The following TTLL2 variants were observed in gnomAD, a reference collection of about 807,000 sequenced individuals.
TTLL2 encodes the protein tubulin tyrosine ligase like 2.
A neutral mutation model predicts 7.5 loss-of-function variants in TTLL2; 10 were observed. That is an observed-to-expected ratio of 1.33 (90% CI 0.82 to 2.25). The LOEUF (loss-of-function observed/expected upper bound fraction) is 2.25, where lower values mean the gene tolerates loss of function less well. Ranked by LOEUF, TTLL2 falls within the 30% of genes most tolerant of loss-of-function variation. The pLI, the probability that TTLL2 is intolerant of heterozygous loss-of-function variation, is 0.00. For missense variants in TTLL2, 733 were observed against 735.7 expected, an observed-to-expected ratio of 1.00 and a Z score of 0.04; for synonymous variants, 284 against 280.3, an observed-to-expected ratio of 1.01 and a Z score of -0.13.
rs1407366288 is a variant in TTLL2, at chr6:167,341,267, A to C, written c.1367A>C (p.Asp456Ala). The change falls in exon 3 of 3, where the codon GAT becomes GCT. Residue 456 changes from aspartate (D) to alanine (A), a missense_variant. Physicochemically the swap from Asp to Ala is moderately radical, Grantham distance 126 (BLOSUM62 -2). Transcript: ENST00000239587. ...GATGCTCCTGACTGTCTTCCTTATG[A>C]TTCTCTTTCGTTCACAAGCAGAATG... is the stretch of plus-strand genomic sequence containing the variant. ...GLDAPDCLPYDSLSFTSRMYN... is the reference protein window; with the variant it reads ...GLDAPDCLPYASLSFTSRMYN... 1.9e-6 allele frequency: 3 copies of C among 1,613,408 alleles called. No individual in the cohort carries two copies. Among genetic ancestry groups the C allele is most frequent in the Non-Finnish European group, 2.5e-6 (3 of 1,179,964 alleles).
rs1258089364 is a variant in TTLL2 at position 167,336,059 on chromosome 6, C to T, written c.48-2588C>T. ...CTGTATCCATCTCTCCCTGAATGGACCCCTGGGTAGATTCCGGACCTTGGG... is the reference window on the plus strand; with the variant it reads ...CTGTATCCATCTCTCCCTGAATGGATCCCTGGGTAGATTCCGGACCTTGGG... On this transcript the variant is annotated intron_variant, in intron 1 of 2. Transcript: ENST00000239587. 3.3e-5 allele frequency among the ~76,000 whole-genome samples: 5 copies of T among 151,878 alleles called. No homozygotes were observed. The South Asian group carries it at 8.3e-4, about 25-fold the overall frequency.
In TTLL2 at chr6:167,338,677, C is replaced by G. The variant is rs1779025266; in HGVS notation, c.78C>G (p.Thr26=). Residue 26 remains threonine, a synonymous_variant, in exon 2 of 3, where the codon ACC becomes ACG. Transcript: ENST00000239587. The part of the protein sequence containing the change: ...GSLRTTTPAF[T]LNIPSEANHT... ...TGAGAACCACCACCCCAGCCTTTAC[C>G]CTTAACATTCCATCCGAGGCAAACC... The G allele has an allele frequency of 6.2e-7, 1 of 1,613,956 alleles. No individual in the cohort carries two copies. The highest frequency in any genetic ancestry group is 1.3e-5 in the African/African-American group (1 of 74,912).
Position 167,341,623 on chromosome 6 carries a change from A to T in TTLL2, c.1723A>T (p.Asn575Tyr). The stretch of plus-strand genomic sequence containing the variant: ...TCTCGGAGCTTCCAGGAATGGATTA[A>T]ATGTCAAAAGAATAATCCAAGAGCT... ...ATLGASRNGLNVKRIIQELQK... is the reference protein window; with the variant it reads ...ATLGASRNGLYVKRIIQELQK... The change falls in exon 3 of 3, where the codon AAT becomes TAT. Residue 575 changes from asparagine to tyrosine, a missense_variant. Physicochemically the swap from Asn to Tyr is moderately radical, Grantham distance 143. Coordinates refer to ENST00000239587, the MANE Select transcript of TTLL2 (RefSeq NM_031949.5). 1 of 1,614,114 alleles carries T rather than the reference A, an allele frequency of 6.2e-7. No homozygotes were observed.
rs376630712 is a variant in TTLL2, at chr6:167,341,204, C to T, written c.1304C>T (p.Ser435Phe). ...GCCAGTAATGCCACACATGGAAATT[C>T]CAACATCGACGCTGCAAAAAGTGAC... ...REASNATHGN[S>F]NIDAAKSDRG... Residue 435 changes from serine (S) to phenylalanine (F), a missense_variant, in exon 3 of 3, where the codon TCC becomes TTC. Transcript: ENST00000239587. 3.1e-6 allele frequency: 5 copies of T among 1,613,642 alleles called. No individual in the cohort carries two copies. The highest frequency in any genetic ancestry group is 4.2e-6 in the Non-Finnish European group (5 of 1,179,980).
intron 1 of TTLL2, among the ~76,000 whole-genome samples, chr6:167,338,380 A>G (rs1779019780): frequency 6.9e-6 from 1 of 145,824 alleles, no homozygotes; most frequent in African/African-American, 2.8e-5. Context: ...AACACATACC[A>G]CATGTGACAC....
At chr6:167,336,414 A>AT (rs1778983955) in intron 1 of TTLL2, among the ~76,000 whole-genome samples, 1 of 152,040 alleles carries the variant, frequency 6.6e-6, no homozygotes, top group Non-Finnish European at 1.5e-5. Context: ...ATAAGATGTT[A>AT]TTGTTGTATA....
intron 1 of TTLL2, among the ~76,000 whole-genome samples, chr6:167,329,479 G>C (rs1413672160): frequency 6.6e-6 from 1 of 152,072 alleles, no homozygotes; most frequent in East Asian, 1.9e-4. Flanking sequence ...GTTAAGACTG[G>C]GTTGGTTAAA....
chr6:167,338,519 T>A, intron 1 of TTLL2, 128 bp from the exon 2 acceptor site: 1 of 1,266,792 alleles, frequency 7.9e-7, no homozygotes, highest in Non-Finnish European at 1.1e-6. Flanking sequence ...TTTGAAAGCA[T>A]TACTGCAAAC....
At chr6:167,335,979 A>C (rs985843301) in intron 1 of TTLL2, among the ~76,000 whole-genome samples, 27 of 80,678 alleles carry the variant, frequency 3.3e-4, no homozygotes, top group African/African-American at 1.7e-3. Flanking sequence ...AATTAAAAAA[A>C]GAAATGGAAA....
chr6:167,340,501 A>C lies in TTLL2; in HGVS notation c.601A>C (p.Met201Leu). 1 of 1,614,164 alleles carries C rather than the reference A, an allele frequency of 6.2e-7. No individual in the cohort carries two copies. The highest frequency in any genetic ancestry group is 8.5e-7 in the Non-Finnish European group (1 of 1,180,040). ...FVAEYFQERQ[M>L]LGTKHSYWIC... ...GGCTGAATACTTTCAGGAGAGGCAG[A>C]TGCTGGGCACCAAGCATAGCTATTG... The change falls in exon 3 of 3, where the codon ATG (methionine) becomes CTG (leucine). Residue 201 changes from methionine to leucine, a missense_variant. Physicochemically the swap from Met to Leu is conservative, Grantham distance 15. Coordinates refer to ENST00000239587, the MANE Select transcript of TTLL2 (RefSeq NM_031949.5).
chr6:167,337,005 G>A (rs112312567), intron 1 of TTLL2, among the ~76,000 whole-genome samples: 3,212 of 152,224 alleles, frequency 0.021, 127 homozygotes, highest in African/African-American at 0.074. Context: ...CCTCACCCTG[G>A]CCCTCTTCAC....
intron 1 of TTLL2, among the ~76,000 whole-genome samples, chr6:167,325,655 A>G (rs1778839391): frequency 6.6e-6 from 1 of 152,168 alleles, no homozygotes; most frequent in South Asian, 2.1e-4. Context: ...TATGAGACGG[A>G]ACTGGATCAT....
intron 1 of TTLL2, among the ~76,000 whole-genome samples, chr6:167,326,206 C>T (rs377155987): frequency 1.3e-4 from 20 of 152,186 alleles, no homozygotes; most frequent in African/African-American, 3.9e-4. Flanking sequence ...TTGACCTCTG[C>T]GACCTTAGAA....
intron 1 of TTLL2, among the ~76,000 whole-genome samples, chr6:167,337,769 G>GCA (rs147693348): frequency 6.7e-4 from 100 of 149,018 alleles, no homozygotes; most frequent in African/African-American, 2.3e-3. Flanking sequence ...ACACACACAT[G>GCA]CACACACACA....
At chr6:167,329,156 C>G (rs998082903) in intron 1 of TTLL2, among the ~76,000 whole-genome samples, 3 of 152,164 alleles carry the variant, frequency 2.0e-5, no homozygotes, top group African/African-American at 7.2e-5. Context: ...CTCCCACGGG[C>G]CGCACCTGAA....
chr6:167,332,398 A>G (rs1369442671), intron 1 of TTLL2, among the ~76,000 whole-genome samples: 1 of 152,152 alleles, frequency 6.6e-6, no homozygotes, highest in Non-Finnish European at 1.5e-5. Context: ...GAACCTTTAG[A>G]CCCAACTTAT....
At chr6:167,330,052 T>G (rs1195712054) in intron 1 of TTLL2, among the ~76,000 whole-genome samples, 1 of 152,184 alleles carries the variant, frequency 6.6e-6, no homozygotes. Context: ...TGTCAGGTTT[T>G]GTGATGTTTG....
intron 1 of TTLL2, among the ~76,000 whole-genome samples, chr6:167,331,253 G>A (rs538761212): frequency 6.6e-6 from 1 of 152,232 alleles, no homozygotes; most frequent in African/African-American, 2.4e-5. Flanking sequence ...TTCCTGTGGT[G>A]AGGATGTTCA....
intron 1 of TTLL2, among the ~76,000 whole-genome samples, chr6:167,331,658 T>C (rs1778921677): frequency 6.6e-6 from 1 of 152,194 alleles, no homozygotes; most frequent in African/African-American, 2.4e-5. Flanking sequence ...TCCGTACTTT[T>C]ATATTTGAGT....
Sources: gnomAD v4.1 joint callset for allele counts (sites outside exome capture counted in the v4.1 genomes callset) on GRCh38, gnomAD v4.1.1 for gene constraint, MANE v1.5 for transcripts, NCBI Gene and HGNC (gene_info 2026-07-23, HGNC 2026-07-21) for gene names.